Variants in TBCK observed in about 807,000 individuals in gnomAD.
TBCK encodes the protein TBC1 domain containing kinase, also known as TBC domain-containing protein kinase-like protein.
In TBCK, 99 loss-of-function variants were observed where a neutral mutation model predicts 113.4. The ratio of observed to expected loss-of-function variants is 0.87; its 90% CI spans 0.74 to 1.03. The LOEUF is 1.03. TBCK is among the 50% of genes least tolerant of loss of function. The pLI, the probability that TBCK is intolerant of heterozygous loss-of-function variation, is 0.00. For missense variants in TBCK, 1,045 were observed against 1,061.3 expected (o/e 0.98, Z 0.21); for synonymous variants, 369 against 370.8 (o/e 1.00, Z 0.05).
chr4:106,254,845 A>C (rs968838036), intron 5 of TBCK: 6 of 152,198 alleles, frequency 3.9e-5, no homozygotes, highest in African/African-American at 1.4e-4. Flanking sequence ...CAATTTGCCT[A>C]AGAGTATACT....
chr4:106,163,652 G>A (rs1427754137), intron 23 of TBCK: 2 of 152,112 alleles, frequency 1.3e-5, no homozygotes, highest in Admixed American at 6.6e-5. Flanking sequence ...GAGAATGAGA[G>A]CCAAGCAAAG....
intron 23 of TBCK, among the ~76,000 whole-genome samples, chr4:106,126,032 T>A (rs967705666): frequency 1.3e-5 from 2 of 152,242 alleles, no homozygotes; most frequent in African/African-American, 2.4e-5. Flanking sequence ...CCTCACCATC[T>A]TGTCCCTTAT....
intron 3 of TBCK, among the ~76,000 whole-genome samples, chr4:106,288,770 C>G (rs141317720): frequency 6.6e-6 from 1 of 152,176 alleles, no homozygotes; most frequent in Non-Finnish European, 1.5e-5. Flanking sequence ...AATCTGCAAT[C>G]CAAAATGTTC....
At position 106,095,487 on chromosome 4, in the gene TBCK, CTG is replaced by C; in HGVS notation, c.2564_2565del (p.Thr855SerfsTer2). The C allele has an allele frequency of 6.2e-7, 1 of 1,613,622 alleles. No homozygotes were observed. Among genetic ancestry groups the C allele is most frequent in the Non-Finnish European group, 8.5e-7 (1 of 1,179,752 alleles). On this transcript the variant is annotated frameshift_variant, in exon 25 of 26. Transcript: ENST00000394708. LOFTEE classifies it high-confidence loss of function. ...ACATTTCTGAATATACTTACCTCAG[CTG>C]TGTGTTTTGCCACATGCCCCACGAT... ...IVIVGHVAKH[T>X]AEFAAHLVKM... is the part of the protein sequence containing the mutation.
intron 3 of TBCK, among the ~76,000 whole-genome samples, chr4:106,278,560 A>G (rs928838560): frequency 7.1e-6 from 1 of 140,886 alleles, no homozygotes; most frequent in Non-Finnish European, 1.6e-5. Context: ...CTCTGTCTCA[A>G]AAAAAAAAAA....
intron 16 of TBCK, 77 bp from the exon 17 acceptor site, chr4:106,233,141 A>C (rs1759056186): frequency 3.0e-6 from 4 of 1,344,014 alleles, no homozygotes; most frequent in Non-Finnish European, 4.1e-6. Context: ...TGTTCATTAA[A>C]TAAGGAAAAG....
chr4:106,150,787 G>T (rs1748385345), intron 23 of TBCK, among the ~76,000 whole-genome samples: 1 of 152,072 alleles, frequency 6.6e-6, no homozygotes, highest in African/African-American at 2.4e-5. Flanking sequence ...TAGCATAGTT[G>T]ATGAATAAGG....
chr4:106,191,297 C>T (rs1208459415), intron 22 of TBCK, among the ~76,000 whole-genome samples: 8 of 152,194 alleles, frequency 5.3e-5, no homozygotes, highest in Non-Finnish European at 1.0e-4. Flanking sequence ...AATCCCCCAT[C>T]GATACCGGGG....
rs752613391 is a variant in TBCK, at chr4:106,252,055, C to T, written c.456-48G>A. 5.1e-5 allele frequency: 75 copies of T among 1,461,532 alleles called. No individual in the cohort carries two copies. In the South Asian group the frequency reaches 5.7e-4, roughly 11 times the overall value. The allele number at this position is 1,461,532 out of a possible 1,614,324, so 90.5% of individuals were successfully genotyped here. On this transcript the variant is annotated intron_variant, in intron 5 of 25. Transcript: ENST00000394708. ...TGAAAAATTACAACAGGGAAAGAAG[C>T]GATAGTACATTTTTACAATCAATGT...
intron 23 of TBCK, among the ~76,000 whole-genome samples, chr4:106,142,622 G>A (rs971399630): frequency 5.3e-5 from 8 of 152,010 alleles, no homozygotes; most frequent in East Asian, 1.9e-4. Flanking sequence ...TAGCCTTTCC[G>A]TAGAATTGTG....
intron 19 of TBCK, among the ~76,000 whole-genome samples, chr4:106,215,724 G>C (rs1407819250): frequency 6.6e-6 from 1 of 151,344 alleles, no homozygotes; most frequent in African/African-American, 2.4e-5. Flanking sequence ...AGCAAGTCCT[G>C]AGTGACCTAC....
At chr4:106,108,068 T>G (rs1445933752) in intron 24 of TBCK, among the ~76,000 whole-genome samples, 1 of 152,006 alleles carries the variant, frequency 6.6e-6, no homozygotes, top group African/African-American at 2.4e-5. Flanking sequence ...AGAAACTGAT[T>G]CCCTGAACAG....
At chr4:106,141,063 A>T (rs965836584) in intron 23 of TBCK, among the ~76,000 whole-genome samples, 1 of 140,534 alleles carries the variant, frequency 7.1e-6, no homozygotes, top group African/African-American at 2.5e-5. Context: ...ACATAATAAA[A>T]TTTATCTCTC....
At chr4:106,086,993 G>T (rs571124935) in intron 25 of TBCK, among the ~76,000 whole-genome samples, 1 of 152,216 alleles carries the variant, frequency 6.6e-6, no homozygotes, top group South Asian at 2.1e-4. Flanking sequence ...ATGGGCAAAA[G>T]CTGGAAGCAT....
chr4:106,308,095 TAAAG>T (rs989862562), intron 2 of TBCK, among the ~76,000 whole-genome samples: 5 of 152,152 alleles, frequency 3.3e-5, no homozygotes, highest in African/African-American at 1.2e-4. Flanking sequence ...TTCATATAGA[TAAAG>T]AAATATGTTT....
At chr4:106,090,147 T>G (rs974262304) in intron 25 of TBCK, among the ~76,000 whole-genome samples, 2 of 152,214 alleles carry the variant, frequency 1.3e-5, no homozygotes, top group Admixed American at 6.5e-5. Context: ...GGAATCCAGG[T>G]GGGAGTTGCG....
chr4:106,237,832 C>A (rs1450591965), intron 12 of TBCK, among the ~76,000 whole-genome samples: 1 of 152,010 alleles, frequency 6.6e-6, no homozygotes, highest in Non-Finnish European at 1.5e-5. Context: ...TATTAATACA[C>A]ATAAATCTTT....
chr4:106,252,791 C>T (rs139265925), intron 5 of TBCK, among the ~76,000 whole-genome samples: 43 of 152,002 alleles, frequency 2.8e-4, no homozygotes, highest in African/African-American at 9.7e-4. Context: ...ATTCCAAGAT[C>T]GTAAGGTATG....
chr4:106,211,979 G>A lies in TBCK; in HGVS notation c.1860+771C>T, dbSNP rs544628193. 3.3e-4 allele frequency among the ~76,000 whole-genome samples: 50 copies of A among 151,858 alleles called. No individual in the cohort carries two copies. The South Asian group carries it at 4.8e-3, about 15-fold the overall frequency. On this transcript the variant is annotated intron_variant, in intron 20 of 25. Coordinates refer to ENST00000394708, the MANE Select transcript of TBCK (RefSeq NM_001163435.3). The stretch of plus-strand genomic sequence containing the variant: ...TTCCTAAAAAATTATAATTGCTTGA[G>A]GTCAGGTGCCTTCAGCTTAACTTTT...
Sources: gnomAD v4.1 joint callset for allele counts (sites outside exome capture counted in the v4.1 genomes callset) on GRCh38, gnomAD v4.1.1 for gene constraint, MANE v1.5 for transcripts, NCBI Gene and HGNC (gene_info 2026-07-23, HGNC 2026-07-21) for gene names.